Variants in ATP13A4 observed in about 807,000 individuals in gnomAD.
ATP13A4 encodes the protein probable cation-transporting ATPase 13A4.
In ATP13A4, 114 loss-of-function variants were observed where a neutral mutation model predicts 142.5. The observed-to-expected ratio is 0.80, with a 90% CI of 0.69 to 0.93. ATP13A4 has a LOEUF of 0.93. ATP13A4 is among the 40% of genes least tolerant of loss of function. The pLI, the probability that ATP13A4 is intolerant of heterozygous loss-of-function variation, is 0.00. For missense variants in ATP13A4, 1,392 were observed against 1,454.0 expected (o/e 0.96, Z 0.69); for synonymous variants, 488 against 514.8 (o/e 0.95, Z 0.70).
intron 3 of ATP13A4, among the ~76,000 whole-genome samples, chr3:193,497,508 A>T: frequency 6.6e-6 from 1 of 152,222 alleles, no homozygotes; most frequent in East Asian, 1.9e-4. Context: ...AACAGTATAC[A>T]GGTTCCTTAT....
chr3:193,503,426 TTG>T (rs1461344455), intron 2 of ATP13A4, among the ~76,000 whole-genome samples: 1 of 152,228 alleles, frequency 6.6e-6, no homozygotes, highest in Non-Finnish European at 1.5e-5. Flanking sequence ...AGAGACCTAT[TTG>T]ACAGTGGTTA....
At chr3:193,549,677 G>A (rs1483885604) in intron 1 of ATP13A4, among the ~76,000 whole-genome samples, 1 of 151,910 alleles carries the variant, frequency 6.6e-6, no homozygotes, top group East Asian at 1.9e-4. Flanking sequence ...ATAAAATACT[G>A]GAAAATTAGC....
chr3:193,578,740 C>G (rs920403779), intron 2 of ATP13A4: 11 of 152,828 alleles, frequency 7.2e-5, no homozygotes, highest in Non-Finnish European at 1.2e-4. Flanking sequence ...CTGTCTCTCT[C>G]TCTTTCTTCC....
At chr3:193,466,279 T>C in intron 10 of ATP13A4, 97 bp from the exon 11 acceptor site, 4 of 1,436,740 alleles carry the variant, frequency 2.8e-6, no homozygotes, top group Non-Finnish European at 3.9e-6. Context: ...TCTGCTGATA[T>C]TTGAACAGTG....
At chr3:193,591,861 C>T (rs954470504) in intron 1 of ATP13A4, among the ~76,000 whole-genome samples, 3 of 151,916 alleles carry the variant, frequency 2.0e-5, no homozygotes, top group Non-Finnish European at 2.9e-5. Context: ...AAGGAAGTAA[C>T]GATTACAAAG....
chr3:193,569,248 A>G (rs771791810), intron 2 of ATP13A4, among the ~76,000 whole-genome samples: 1 of 152,240 alleles, frequency 6.6e-6, no homozygotes, highest in Admixed American at 6.5e-5. Context: ...AGTGAGAAAA[A>G]TGTTCGACAA....
chr3:193,560,312 G>T (rs1215325649), intron 2 of ATP13A4, among the ~76,000 whole-genome samples: 3 of 151,900 alleles, frequency 2.0e-5, no homozygotes, highest in Admixed American at 2.0e-4. Context: ...AGGCCCAAGG[G>T]ATCCTGCCAC....
intron 1 of ATP13A4, chr3:193,582,019 A>G (rs763438259): frequency 2.6e-5 from 4 of 151,758 alleles, no homozygotes; most frequent in Non-Finnish European, 5.9e-5. Flanking sequence ...AGTCAATAAC[A>G]TATTAGATTA....
At chr3:193,517,994 C>T (rs898635899) in intron 1 of ATP13A4, among the ~76,000 whole-genome samples, 3 of 152,194 alleles carry the variant, frequency 2.0e-5, no homozygotes, top group Admixed American at 1.3e-4. Context: ...ACTGGAGGCT[C>T]AAAAGGAATG....
intron 7 of ATP13A4, among the ~76,000 whole-genome samples, chr3:193,485,805 G>T (rs1352003232): frequency 2.0e-5 from 3 of 151,886 alleles, no homozygotes; most frequent in African/African-American, 4.8e-5. Flanking sequence ...GGATGCAATA[G>T]GAAGGTACCA....
chr3:193,492,885 T>A, intron 5 of ATP13A4, 32 bp downstream of exon 5: 2 of 1,503,410 alleles, frequency 1.3e-6, no homozygotes, highest in Non-Finnish European at 1.8e-6. Context: ...ATAATCCTTT[T>A]GAGCTAGTAT....
At chr3:193,431,013 G>C (rs550665362) in intron 25 of ATP13A4, among the ~76,000 whole-genome samples, 45 of 152,110 alleles carry the variant, frequency 3.0e-4, no homozygotes, top group African/African-American at 1.0e-3. Context: ...GAAAATGGAG[G>C]GGGGGAATCA....
intron 2 of ATP13A4, chr3:193,579,446 G>T (rs995470930): frequency 5.7e-6 from 1 of 174,846 alleles, no homozygotes; most frequent in African/African-American, 2.4e-5. Context: ...CATGACACCT[G>T]TGTTCTGGAA....
chr3:193,571,910 A>G (rs1724274517), intron 2 of ATP13A4, among the ~76,000 whole-genome samples: 1 of 152,212 alleles, frequency 6.6e-6, no homozygotes, highest in Admixed American at 6.5e-5. Flanking sequence ...AAACTGAGTT[A>G]TGGACTTTAG....
intron 6 of ATP13A4, 114 bp downstream of exon 6, chr3:193,491,215 A>T: frequency 1.2e-6 from 1 of 852,564 alleles, no homozygotes; most frequent in Non-Finnish European, 2.0e-6. Context: ...GCATACTTTC[A>T]AAATATACTC....
chr3:193,474,712 AAG>A lies in ATP13A4; in HGVS notation c.809-3721_809-3720del, dbSNP rs1035723870. Among the ~76,000 whole-genome samples, 26 of 122,950 alleles carry A rather than the reference AAG, an allele frequency of 2.1e-4. No homozygotes were observed. The East Asian group carries it at 3.8e-3, about 18-fold the overall frequency. The allele number at this position is 122,950 out of a possible 152,430, so 80.7% of individuals were successfully genotyped here. On this transcript the variant is annotated intron_variant, in intron 8 of 29. Transcript: ENST00000342695. ...AGAAAAAGAAAAAAGGAAGGAAGGA[AAG>A]AGAGAGAGAAAGAAAGAGAAAGAAA...
At chr3:193,446,237 CA>C (rs774227707) in intron 18 of ATP13A4, among the ~76,000 whole-genome samples, 14 of 152,058 alleles carry the variant, frequency 9.2e-5, no homozygotes, top group Non-Finnish European at 2.1e-4. Context: ...GGATAGATAA[CA>C]ATGGAACTAC....
upstream of ATP13A4, among the ~76,000 whole-genome samples, chr3:193,557,821 T>C: frequency 6.6e-6 from 1 of 152,318 alleles, no homozygotes; most frequent in East Asian, 1.9e-4. Context: ...GAGCCAAAAA[T>C]GCTTCAACAG....
chr3:193,402,793 C>T lies in ATP13A4; in HGVS notation c.3450G>A (p.Gln1150=). The T allele has an allele frequency of 6.2e-7, 1 of 1,614,196 alleles. No individual in the cohort carries two copies. The highest frequency in any genetic ancestry group is 2.2e-5 in the East Asian group (1 of 44,874). The change falls in exon 30 of 30, where the codon CAG becomes CAA. Residue 1150 remains glutamine (Q), a synonymous_variant. Transcript: ENST00000342695. ...CCAAGTCCCTCTGCCATATCCGATA[C>T]TGGCTTTTTGACTGATAGCCGAAAC... The part of the protein sequence containing the change: ...KRCFGYQSKS[Q]YRIWQRDLAN...
Sources: allele counts gnomAD v4.1 joint callset (sites outside exome capture counted in the v4.1 genomes callset), GRCh38; gene constraint gnomAD v4.1.1; transcripts MANE v1.5; gene names NCBI Gene and HGNC (gene_info 2026-07-23, HGNC 2026-07-21).